The following PARD3B variants were observed in gnomAD, a reference collection of about 807,000 sequenced individuals.
PARD3B encodes par-3 family cell polarity regulator beta, also known as partitioning defective 3 homolog B.
In PARD3B, 103 loss-of-function variants were observed where a neutral mutation model predicts 130.2. The ratio of observed to expected loss-of-function variants is 0.79; its 90% CI spans 0.67 to 0.93. The LOEUF (loss-of-function observed/expected upper bound fraction) is 0.93, where lower values mean the gene tolerates loss of function less well. Among genes scored for constraint, PARD3B ranks in the 40% least tolerant of loss-of-function variants. The pLI is 0.00. For synonymous variants in PARD3B, 583 were observed against 553.2 expected (o/e 1.05, Z -0.76); for missense variants, 1,609 against 1,499.2 (o/e 1.07, Z -1.21).
At chr2:204,582,894 T>G (rs1025195100) in intron 1 of PARD3B, among the ~76,000 whole-genome samples, 4 of 152,184 alleles carry the variant, frequency 2.6e-5, no homozygotes, top group Admixed American at 1.3e-4. Context: ...ATGATGAGCA[T>G]TTTTTCATGT....
rs2040471317 is a variant in PARD3B, at chr2:205,265,561, G to A, written c.2185+19739G>A. ...CAGAGAAAAAGTAGAAATTGCTGCT[G>A]ATATACCGAGACTTCACCGAAGAGA... On this transcript the variant is annotated intron_variant, in intron 16 of 22. Transcript: ENST00000406610. This position sits in a 1 kb window ranked among gnomAD's most constrained non-coding sequence, Gnocchi z 4.3. 6.6e-6 allele frequency among the ~76,000 whole-genome samples: 1 copy of A among 151,860 alleles called. No homozygotes were observed. The highest frequency in any genetic ancestry group is 1.5e-5 in the Non-Finnish European group (1 of 67,910).
chr2:205,599,615 T>C (rs2054704702), intron 22 of PARD3B, among the ~76,000 whole-genome samples: 1 of 152,070 alleles, frequency 6.6e-6, no homozygotes, highest in Admixed American at 6.6e-5. Flanking sequence ...TTTTGTAGAG[T>C]CTCATTGGAG....
intron 18 of PARD3B, among the ~76,000 whole-genome samples, chr2:205,335,814 C>A (rs2043294444): frequency 6.6e-6 from 1 of 152,116 alleles, no homozygotes; most frequent in South Asian, 2.1e-4. Flanking sequence ...TCTTGTGAGA[C>A]TCATTCACTA....
intron 2 of PARD3B, among the ~76,000 whole-genome samples, chr2:204,875,355 A>G (rs959368834): frequency 9.2e-5 from 14 of 152,222 alleles, no homozygotes; most frequent in African/African-American, 3.1e-4. Context: ...CACCTTAAGC[A>G]TAGTGATGGT....
At chr2:204,555,709 T>C (rs2030874885) in intron 1 of PARD3B, among the ~76,000 whole-genome samples, 1 of 152,198 alleles carries the variant, frequency 6.6e-6, no homozygotes, top group South Asian at 2.1e-4. Flanking sequence ...TGTTCTCCTG[T>C]CTCAGTCACA....
intron 22 of PARD3B, among the ~76,000 whole-genome samples, chr2:205,569,329 T>A (rs11687250): frequency 6.6e-6 from 1 of 151,818 alleles, no homozygotes; most frequent in African/African-American, 2.4e-5. Context: ...AAGCTATCTT[T>A]ATGGTAATAT....
chr2:204,904,661 T>G (rs1174305866), intron 2 of PARD3B, among the ~76,000 whole-genome samples: 1 of 149,510 alleles, frequency 6.7e-6, no homozygotes, highest in African/African-American at 2.6e-5. Context: ...TGGCAATGCC[T>G]TTAATTTCAA....
At chr2:204,940,095 T>A (rs56284444) in intron 2 of PARD3B, among the ~76,000 whole-genome samples, 10,670 of 152,310 alleles carry the variant, frequency 0.07, 457 homozygotes, top group Non-Finnish European at 0.096. Context: ...TCTGGAGAGC[T>A]TACTAGGCTC....
At chr2:204,676,003 C>G (rs917630640) in intron 1 of PARD3B, among the ~76,000 whole-genome samples, 1 of 150,844 alleles carries the variant, frequency 6.6e-6, no homozygotes, top group African/African-American at 2.4e-5. Flanking sequence ...ATACTGGTTC[C>G]CTGTCTTTAA....
Position 205,043,301 on chromosome 2 carries a change from C to T in PARD3B, c.395-4280C>T, listed in dbSNP as rs564018926. Among the ~76,000 whole-genome samples the T allele has an allele frequency of 6.6e-5, 10 of 152,168 alleles. No homozygotes were observed. The South Asian group carries it at 2.1e-3, about 32-fold the overall frequency. On this transcript the variant is annotated intron_variant, in intron 3 of 22. Transcript: ENST00000406610. ...TCACAATAAATAACAAGTGCTATTA[C>T]CTACTTTTTTGGGGGAGGGAGTCCT...
chr2:204,925,524 A>C (rs949672372), intron 2 of PARD3B, among the ~76,000 whole-genome samples: 16 of 152,032 alleles, frequency 1.1e-4, no homozygotes, highest in African/African-American at 3.9e-4. Flanking sequence ...GGCTTATAAA[A>C]TAAATAGGGT....
chr2:204,565,597 T>G (rs150103281), intron 1 of PARD3B, among the ~76,000 whole-genome samples: 91 of 152,372 alleles, frequency 6.0e-4, no homozygotes, highest in African/African-American at 2.1e-3. Flanking sequence ...GCTATCAAGC[T>G]CACAGTGGTG....
chr2:204,667,640 C>A (rs1276366195), intron 1 of PARD3B, among the ~76,000 whole-genome samples: 2 of 152,062 alleles, frequency 1.3e-5, no homozygotes, highest in African/African-American at 4.8e-5. Flanking sequence ...CTCTTCTAGT[C>A]TAATTTTTTG....
intron 21 of PARD3B, among the ~76,000 whole-genome samples, chr2:205,524,993 A>C (rs890297003): frequency 2.0e-5 from 3 of 152,226 alleles, no homozygotes; most frequent in African/African-American, 7.2e-5. Flanking sequence ...TTTATTCAGA[A>C]TTTGATACCC....
intron 2 of PARD3B, among the ~76,000 whole-genome samples, chr2:204,787,834 C>T (rs778159261): frequency 1.3e-4 from 20 of 152,128 alleles, no homozygotes; most frequent in Non-Finnish European, 1.3e-4. Context: ...TCTATTTTCT[C>T]GCTCCTGTAG....
chr2:204,984,502 C>T (rs958205978), intron 3 of PARD3B, among the ~76,000 whole-genome samples: 1 of 151,912 alleles, frequency 6.6e-6, no homozygotes, highest in African/African-American at 2.4e-5. Context: ...GTAGATGTTT[C>T]CCTTTTGTAT....
intron 15 of PARD3B, among the ~76,000 whole-genome samples, chr2:205,201,983 A>G (rs112614076): frequency 1.7e-3 from 262 of 152,314 alleles, no homozygotes; most frequent in African/African-American, 6.0e-3. Flanking sequence ...TGAAAAGTTG[A>G]ATTTAGAGAA....
chr2:205,058,105 C>T (rs2125447842), intron 4 of PARD3B, among the ~76,000 whole-genome samples: 1 of 151,860 alleles, frequency 6.6e-6, no homozygotes, highest in South Asian at 2.1e-4. Flanking sequence ...TTCTGTTATA[C>T]TTTTTCTCCC....
chr2:204,686,097 GTTAAC>G (rs2037064833), intron 1 of PARD3B, 79 bp from the exon 2 acceptor site: 1 of 916,174 alleles, frequency 1.1e-6, no homozygotes, highest in African/African-American at 1.7e-5. Context: ...TTTTTAACAA[GTTAAC>G]TTATGTCTCT....
Sources: gnomAD v4.1 joint callset for allele counts (sites outside exome capture counted in the v4.1 genomes callset) on GRCh38, gnomAD v4.1.1 for gene constraint, Gnocchi (gnomAD v3.1) non-coding constraint, MANE v1.5 for transcripts, NCBI Gene and HGNC (gene_info 2026-07-23, HGNC 2026-07-21) for gene names.